UBE2D2: variants seen among roughly 807,000 people sequenced by gnomAD.
UBE2D2 encodes ubiquitin conjugating enzyme E2 D2.
Under a neutral mutation model 24.2 loss-of-function variants are expected in UBE2D2, and 2 were observed. That is an observed-to-expected ratio of 0.08 (90% CI 0.03 to 0.26). The LOEUF (loss-of-function observed/expected upper bound fraction) is 0.26. UBE2D2 is among the 10% of genes least tolerant of loss of function. UBE2D2 has a pLI of 1.00. For missense variants in UBE2D2, 44 were observed against 177.6 expected, an observed-to-expected ratio of 0.25 and a Z score of 4.28; for synonymous variants, 58 against 56.5, an observed-to-expected ratio of 1.03 and a Z score of -0.12.
intron 2 of UBE2D2, among the ~76,000 whole-genome samples, chr5:139,610,434 A>C (rs1003220385): frequency 6.6e-6 from 1 of 152,040 alleles, no homozygotes; most frequent in African/African-American, 2.4e-5. Context: ...CCAGCTACTC[A>C]GGAGGCTGAG....
At chr5:139,575,398 AAT>A (rs1231937826) in intron 1 of UBE2D2, among the ~76,000 whole-genome samples, 1 of 152,148 alleles carries the variant, frequency 6.6e-6, no homozygotes, top group Non-Finnish European at 1.5e-5. Context: ...GTCAGTGTTA[AAT>A]ATATGTTTCA....
intron 1 of UBE2D2, among the ~76,000 whole-genome samples, chr5:139,581,282 A>G (rs1266401383): frequency 6.6e-6 from 1 of 152,120 alleles, no homozygotes; most frequent in Admixed American, 6.6e-5. Flanking sequence ...CCCCATCTCT[A>G]CTAAAAATAA....
chr5:139,588,565 AATTAG>A (rs1469858910), intron 1 of UBE2D2, among the ~76,000 whole-genome samples: 5 of 152,334 alleles, frequency 3.3e-5, no homozygotes, highest in African/African-American at 1.2e-4. Context: ...TAGTACAACA[AATTAG>A]ATTATATAAA....
intron 5 of UBE2D2, 150 bp downstream of exon 5, chr5:139,615,116 T>C (rs1028306825): frequency 1.2e-6 from 1 of 822,222 alleles, no homozygotes. Flanking sequence ...TGAAAACGAG[T>C]TGGATTTTTC....
Position 139,623,322 on chromosome 5 carries a change from C to A in UBE2D2, c.305-46C>A, listed in dbSNP as rs758420025. On this transcript the variant is annotated intron_variant, in intron 5 of 6. Coordinates refer to ENST00000398733, the MANE Select transcript of UBE2D2 (RefSeq NM_003339.3). ...TTGGCGTCTCATGTTTCTCTCAACC[C>A]TTTGCTTTGATCCTCTGCTAATTTA... is the stretch of plus-strand genomic sequence containing the variant. 5.6e-6 allele frequency: 8 copies of A among 1,441,226 alleles called. No homozygotes were observed. The South Asian group carries it at 1.1e-4, about 19-fold the overall frequency. The allele number at this position is 1,441,226 out of a possible 1,614,324, so 89.3% of individuals were successfully genotyped here. A position where few individuals can be genotyped will look rare whatever the true frequency, so the allele number is the denominator to read the frequency against.
Position 139,614,938 on chromosome 5 carries a change from G to A in UBE2D2, c.276G>A (p.Gln92=), listed in dbSNP as rs1408643687. Residue 92 remains glutamine, a synonymous_variant, in exon 5 of 7, where the codon CAG becomes CAA. Coordinates refer to ENST00000398733, the MANE Select transcript of UBE2D2 (RefSeq NM_003339.3). ...TTTGTCTTGATATTCTACGATCACA[G>A]TGGTCTCCAGCACTAACTATTTCAA... is the stretch of plus-strand genomic sequence containing the variant. The part of the protein sequence containing the change: ...GSICLDILRS[Q]WSPALTISKV... 1.2e-6 allele frequency: 2 copies of A among 1,613,928 alleles called. No homozygotes were observed. Among genetic ancestry groups the A allele is most frequent in the Non-Finnish European group, 8.5e-7 (1 of 1,179,930 alleles).
At chr5:139,584,384 T>C (rs1487884711) in intron 1 of UBE2D2, among the ~76,000 whole-genome samples, 1 of 152,190 alleles carries the variant, frequency 6.6e-6, no homozygotes, top group African/African-American at 2.4e-5. Context: ...TTTCTCAGAA[T>C]GTATGCCTTT....
chr5:139,606,634 CA>C (rs1754206722), intron 2 of UBE2D2, among the ~76,000 whole-genome samples: 1 of 152,076 alleles, frequency 6.6e-6, no homozygotes, highest in Non-Finnish European at 1.5e-5. Context: ...TTTTTACTAT[CA>C]AAACTTTTTA....
chr5:139,539,401 GA>G (rs990225996), intron 1 of UBE2D2, among the ~76,000 whole-genome samples: 2 of 152,088 alleles, frequency 1.3e-5, no homozygotes, highest in African/African-American at 4.8e-5. Flanking sequence ...ATTATAGACA[GA>G]AAATACATTA....
rs111673804 is a variant in UBE2D2 at position 139,579,241 on chromosome 5, C to T, written c.24+17426C>T. Among the ~76,000 whole-genome samples, 145 of 152,174 alleles carry T rather than the reference C, an allele frequency of 9.5e-4. 3 individuals carry two copies. The Middle Eastern group carries it at 0.01, about 11-fold the overall frequency. On this transcript the variant is annotated intron_variant, in intron 1 of 6. Transcript: ENST00000398733. ...TGGCTCGCTGCAACCTCTGCCTCCC[C>T]GGTTCAAGCAATTCTCCTGCCTCAG...
intron 1 of UBE2D2, among the ~76,000 whole-genome samples, chr5:139,530,965 A>G (rs1342965446): frequency 6.6e-6 from 1 of 152,252 alleles, no homozygotes; most frequent in Non-Finnish European, 1.5e-5. Flanking sequence ...GTTCACAAAA[A>G]TGCTTCAGCA....
chr5:139,528,617 C>A (rs1016479090), intron 1 of UBE2D2, among the ~76,000 whole-genome samples: 2 of 152,166 alleles, frequency 1.3e-5, no homozygotes, highest in African/African-American at 4.8e-5. Flanking sequence ...ATAAAGTCCC[C>A]CCATGCTATG....
At chr5:139,606,419 T>C (rs943649479) in intron 2 of UBE2D2, among the ~76,000 whole-genome samples, 2 of 152,128 alleles carry the variant, frequency 1.3e-5, no homozygotes, top group African/African-American at 4.8e-5. Context: ...CACCTCGGCC[T>C]CCCAAACTGC....
chr5:139,590,774 C>CTCTTCT (rs1193113224), intron 1 of UBE2D2, among the ~76,000 whole-genome samples: 2 of 89,900 alleles, frequency 2.2e-5, no homozygotes, highest in African/African-American at 8.6e-5. Flanking sequence ...TGGGTATTTT[C>CTCTTCT]TCTTCTTCTT....
chr5:139,564,068 T>C (rs1753166431), intron 1 of UBE2D2, among the ~76,000 whole-genome samples: 1 of 152,244 alleles, frequency 6.6e-6, no homozygotes. Flanking sequence ...ATATAGTTTC[T>C]TATGAGTTGC....
intron 1 of UBE2D2, among the ~76,000 whole-genome samples, chr5:139,535,316 C>T (rs1158708897): frequency 6.7e-6 from 1 of 148,380 alleles, no homozygotes; most frequent in Non-Finnish European, 1.5e-5. Flanking sequence ...AAGAGACTTG[C>T]ATGGTGGCGG....
chr5:139,613,772 T>C (rs1017837020), intron 2 of UBE2D2, among the ~76,000 whole-genome samples: 1 of 152,146 alleles, frequency 6.6e-6, no homozygotes, highest in Non-Finnish European at 1.5e-5. Flanking sequence ...TACTGTTTTG[T>C]CCCCCGTATA....
intron 1 of UBE2D2, among the ~76,000 whole-genome samples, chr5:139,543,174 C>T (rs1057418719): frequency 6.6e-6 from 1 of 152,084 alleles, no homozygotes; most frequent in Non-Finnish European, 1.5e-5. Context: ...GGATTACAGG[C>T]GTGAGCCACC....
At chr5:139,584,533 C>CTTT (rs10642044) in intron 1 of UBE2D2, among the ~76,000 whole-genome samples, 2,712 of 133,016 alleles carry the variant, frequency 0.02, 91 homozygotes, top group Middle Eastern at 0.081. Flanking sequence ...CTTTTCTTTT[C>CTTT]TTTTTTTTTT....
Sources: allele counts gnomAD v4.1 joint callset (sites outside exome capture counted in the v4.1 genomes callset), GRCh38; gene constraint gnomAD v4.1.1; transcripts MANE v1.5; gene names NCBI Gene and HGNC (gene_info 2026-07-23, HGNC 2026-07-21).